The following SIPA1L3 variants were observed in gnomAD, a reference collection of about 807,000 sequenced individuals.
The protein encoded by SIPA1L3 is signal-induced proliferation-associated 1-like protein 3.
A neutral mutation model predicts 150.1 loss-of-function variants in SIPA1L3; 59 were observed. The ratio of observed to expected loss-of-function variants is 0.39; its 90% CI spans 0.32 to 0.49. SIPA1L3 has a LOEUF of 0.49. Among genes scored for constraint, SIPA1L3 ranks in the 20% least tolerant of loss-of-function variants. The pLI, the probability that SIPA1L3 is intolerant of heterozygous loss-of-function variation, is 0.86. For synonymous variants in SIPA1L3, 1,070 were observed against 1,077.6 expected (o/e 0.99, Z 0.14); for missense variants, 2,211 against 2,489.5 (o/e 0.89, Z 2.38).
chr19:38,112,879 T>A (rs1200586891), intron 8 of SIPA1L3, among the ~76,000 whole-genome samples: 1 of 151,898 alleles, frequency 6.6e-6, no homozygotes, highest in Non-Finnish European at 1.5e-5. Flanking sequence ...CCAACTCCTG[T>A]CCCCCAACTC....
In SIPA1L3 at chr19:38,119,457, A is replaced by G; in HGVS notation, c.2443A>G (p.Thr815Ala). The G allele has an allele frequency of 6.2e-7, 1 of 1,614,172 alleles. No individual in the cohort carries two copies. Among genetic ancestry groups the G allele is most frequent in the Non-Finnish European group, 8.5e-7 (1 of 1,180,036 alleles). Reference protein sequence around the residue: ...NAAHKSDKFHTMATRTRQEYL... With the variant: ...NAAHKSDKFHAMATRTRQEYL... ...CGCGCACAAGTCCGACAAGTTCCAC[A>G]CCATGGCCACCAGGACCCGCCAGGA... Residue 815 changes from threonine (T) to alanine (A), a missense_variant, in exon 9 of 22, where the codon ACC becomes GCC. Thr to Ala is a moderately conservative substitution (Grantham distance 58). Transcript: ENST00000222345.
chr19:38,077,936 G>A (rs567824891), intron 2 of SIPA1L3, among the ~76,000 whole-genome samples: 105 of 152,152 alleles, frequency 6.9e-4, no homozygotes, highest in African/African-American at 2.4e-3. Context: ...CTCCCAAAGT[G>A]CTGGGGTTAT....
intron 1 of SIPA1L3, among the ~76,000 whole-genome samples, chr19:37,910,438 C>T (rs535467255): frequency 1.3e-5 from 2 of 150,730 alleles, no homozygotes; most frequent in African/African-American, 4.9e-5. Context: ...GCACACATCT[C>T]TAGTCCCAGC....
intron 2 of SIPA1L3, among the ~76,000 whole-genome samples, chr19:38,071,981 G>T (rs1600004889): frequency 6.6e-6 from 1 of 152,232 alleles, no homozygotes; most frequent in African/African-American, 2.4e-5. Context: ...TGGGTAGGGG[G>T]GTTTGGAACT....
chr19:38,096,484 A>G (rs1208522430), intron 4 of SIPA1L3, among the ~76,000 whole-genome samples: 1 of 152,038 alleles, frequency 6.6e-6, no homozygotes, highest in African/African-American at 2.4e-5. Context: ...CCTGACCTAA[A>G]GTGATCCGCC....
At chr19:38,010,437 A>G (rs1241298125) in intron 1 of SIPA1L3, among the ~76,000 whole-genome samples, 1 of 148,870 alleles carries the variant, frequency 6.7e-6, no homozygotes, top group Non-Finnish European at 1.5e-5. Flanking sequence ...GGGTCTGGGC[A>G]CGGTGGCTCA....
chr19:38,008,563 A>G (rs1328692195), intron 1 of SIPA1L3, among the ~76,000 whole-genome samples: 1 of 150,244 alleles, frequency 6.7e-6, no homozygotes, highest in African/African-American at 2.4e-5. Context: ...TTCTCCCTTT[A>G]CCCCCATTCC....
At chr19:38,004,691 C>T (rs2035700457) in intron 1 of SIPA1L3, among the ~76,000 whole-genome samples, 1 of 152,168 alleles carries the variant, frequency 6.6e-6, no homozygotes, top group East Asian at 1.9e-4. Flanking sequence ...GTGATCTTCC[C>T]CGAACCAATC....
At chr19:38,049,074 C>T (rs550871479) in intron 2 of SIPA1L3, among the ~76,000 whole-genome samples, 256 of 149,990 alleles carry the variant, frequency 1.7e-3, no homozygotes, top group Non-Finnish European at 2.6e-3. Flanking sequence ...AGGGCGAGAC[C>T]CCATCTCAAA....
chr19:38,187,543 C>A (rs1170246377), intron 16 of SIPA1L3, among the ~76,000 whole-genome samples: 2 of 151,544 alleles, frequency 1.3e-5, no homozygotes, highest in African/African-American at 4.9e-5. Flanking sequence ...CGGTGAAACC[C>A]CGTCTCTACT....
chr19:37,961,579 C>T (rs982706959), intron 1 of SIPA1L3, among the ~76,000 whole-genome samples: 2 of 152,242 alleles, frequency 1.3e-5, no homozygotes, highest in South Asian at 2.1e-4. Flanking sequence ...AATTTGACTA[C>T]GTTGTGTCCA....
chr19:38,055,290 G>T (rs1969291118), intron 2 of SIPA1L3, among the ~76,000 whole-genome samples: 1 of 152,148 alleles, frequency 6.6e-6, no homozygotes, highest in Admixed American at 6.5e-5. Context: ...GCCACTGTTG[G>T]GGGGTGCAGG....
intron 15 of SIPA1L3, among the ~76,000 whole-genome samples, chr19:38,165,392 C>T (rs1972187190): frequency 6.6e-6 from 1 of 152,226 alleles, no homozygotes; most frequent in African/African-American, 2.4e-5. Context: ...AGGATTGGCA[C>T]TCTGTGTCTC....
intron 3 of SIPA1L3, among the ~76,000 whole-genome samples, chr19:38,083,760 G>A (rs1970062729): frequency 6.6e-6 from 1 of 152,154 alleles, no homozygotes; most frequent in African/African-American, 2.4e-5. Flanking sequence ...GGAGGCTGAG[G>A]CAGGCGGATC....
intron 18 of SIPA1L3, among the ~76,000 whole-genome samples, chr19:38,194,788 C>T (rs373555893): frequency 9.9e-5 from 15 of 152,266 alleles, no homozygotes; most frequent in South Asian, 6.2e-4. Flanking sequence ...CGGTGGCTCA[C>T]GCCTGTAATC....
At chr19:38,130,866 G>C (rs1393454363) in intron 10 of SIPA1L3, 94 bp downstream of exon 10, 2 of 1,386,696 alleles carry the variant, frequency 1.4e-6, no homozygotes, top group Non-Finnish European at 2.0e-6. Flanking sequence ...GGTCCCAATA[G>C]AGGGGGGATA....
At chr19:37,963,422 CCTG>C (rs2145577696) in intron 1 of SIPA1L3, among the ~76,000 whole-genome samples, 1 of 152,386 alleles carries the variant, frequency 6.6e-6, no homozygotes, top group African/African-American at 2.4e-5. Flanking sequence ...GGTCTACAGG[CCTG>C]CTGCTGGCTC....
At chr19:37,974,732 C>T (rs1223544572) in intron 1 of SIPA1L3, among the ~76,000 whole-genome samples, 1 of 152,158 alleles carries the variant, frequency 6.6e-6, no homozygotes, top group Admixed American at 6.5e-5. Context: ...ATCCCAGCCT[C>T]CCCTCCCTCT....
intron 1 of SIPA1L3, among the ~76,000 whole-genome samples, chr19:37,995,286 G>A (rs1291901506): frequency 6.6e-6 from 1 of 152,206 alleles, no homozygotes; most frequent in Non-Finnish European, 1.5e-5. Flanking sequence ...AGACAACCAA[G>A]TGTCTGCTGT....
Sources: gnomAD v4.1 joint callset for allele counts (sites outside exome capture counted in the v4.1 genomes callset) on GRCh38, gnomAD v4.1.1 for gene constraint, MANE v1.5 for transcripts, NCBI Gene and HGNC (gene_info 2026-07-23, HGNC 2026-07-21) for gene names.